Variants in MKLN1 observed in about 807,000 individuals in gnomAD.
MKLN1 encodes the protein muskelin.
Under a neutral mutation model 99.0 loss-of-function variants are expected in MKLN1, and 18 were observed. The observed-to-expected ratio is 0.18, with a 90% CI of 0.13 to 0.27. The LOEUF (loss-of-function observed/expected upper bound fraction) is 0.27. MKLN1 is among the 10% of genes least tolerant of loss of function. The probability of loss-of-function intolerance (pLI) is 1.00; values close to 1 mark genes in which losing one functional copy is unlikely to be tolerated. For synonymous variants in MKLN1, 288 were observed against 293.2 expected (o/e 0.98, Z 0.18); for missense variants, 621 against 875.9 (o/e 0.71, Z 3.67).
At chr7:131,328,807 G>A (rs1798976831) in intron 1 of MKLN1, among the ~76,000 whole-genome samples, 2 of 152,188 alleles carry the variant, frequency 1.3e-5, no homozygotes, top group African/African-American at 2.4e-5. Context: ...AAATTCAGTT[G>A]CATTGTTAGG....
At chr7:131,337,340 T>C (rs1212462947) in intron 1 of MKLN1, among the ~76,000 whole-genome samples, 2 of 152,144 alleles carry the variant, frequency 1.3e-5, no homozygotes, top group African/African-American at 4.8e-5. Flanking sequence ...TCCAATTAAA[T>C]CTTTATTATA....
chr7:131,426,785 C>T (rs1318179360), intron 8 of MKLN1, among the ~76,000 whole-genome samples: 4 of 151,474 alleles, frequency 2.6e-5, no homozygotes, highest in Admixed American at 6.6e-5. Context: ...GATGGAGTCT[C>T]GCTGTGTTGC....
At chr7:131,449,723 C>A (rs1247945480) in intron 12 of MKLN1, among the ~76,000 whole-genome samples, 1 of 152,008 alleles carries the variant, frequency 6.6e-6, no homozygotes, top group East Asian at 1.9e-4. Flanking sequence ...TTCCCATGTC[C>A]CTTTTACTCC....
chr7:131,481,492 C>T (rs769060752), intron 17 of MKLN1, among the ~76,000 whole-genome samples: 23 of 151,942 alleles, frequency 1.5e-4, no homozygotes, highest in Admixed American at 4.6e-4. Flanking sequence ...ATCTTGAGCC[C>T]GAGAGTTCAA....
At chr7:131,143,016 A>T in intron 2 of MKLN1, 1 of 1,064,302 alleles carries the variant, frequency 9.4e-7, no homozygotes, top group South Asian at 1.3e-5. Context: ...AATGCTTTTC[A>T]AATTCTTCTC....
At chr7:131,121,124 A>C (rs1433610695) in intron 1 of MKLN1, among the ~76,000 whole-genome samples, 1 of 152,188 alleles carries the variant, frequency 6.6e-6, no homozygotes, top group Non-Finnish European at 1.5e-5. Context: ...ACGCATCTTC[A>C]CATGGCTGGC....
chr7:131,129,053 G>A (rs373932032), intron 1 of MKLN1, among the ~76,000 whole-genome samples: 3 of 151,852 alleles, frequency 2.0e-5, no homozygotes, highest in Non-Finnish European at 4.4e-5. Context: ...AAAGAAGAAC[G>A]GGTAAAGAAC....
intron 3 of MKLN1, among the ~76,000 whole-genome samples, chr7:131,321,885 A>G (rs1798783405): frequency 6.6e-6 from 1 of 152,252 alleles, no homozygotes; most frequent in South Asian, 2.1e-4. Context: ...TCACATTTCT[A>G]TCTGATCTCA....
At position 131,492,009 on chromosome 7, in the gene MKLN1, A is replaced by G. The variant is rs1299845437; in HGVS notation, c.*4281A>G. On this transcript the variant is annotated 3_prime_UTR_variant, in exon 18 of 18. Transcript: ENST00000352689. ...ATGAAATTCATAAGAAATTAATAAC[A>G]TTCAGATATTGCTATAAATGTACTT... The G allele has an allele frequency of 6.6e-6, 1 of 152,264 alleles. No individual in the cohort carries two copies. Among genetic ancestry groups the G allele is most frequent in the Non-Finnish European group, 1.5e-5 (1 of 68,036 alleles). The allele number at this position is 152,264 out of a possible 1,614,324, so 9.4% of individuals were successfully genotyped here. A position where few individuals can be genotyped will look rare whatever the true frequency, so the allele number is the denominator to read the frequency against.
intron 8 of MKLN1, among the ~76,000 whole-genome samples, chr7:131,422,002 A>G (rs1193283665): frequency 6.6e-6 from 1 of 152,240 alleles, no homozygotes; most frequent in Non-Finnish European, 1.5e-5. Flanking sequence ...TAGGTTTAGT[A>G]GTGAAGAATA....
chr7:131,240,025 T>G (rs1371361446), intron 3 of MKLN1, among the ~76,000 whole-genome samples: 1 of 151,840 alleles, frequency 6.6e-6, no homozygotes, highest in African/African-American at 2.4e-5. Flanking sequence ...TATAAAAAAT[T>G]TAAAAATTAG....
At chr7:131,149,045 C>A (rs1037518591) in intron 2 of MKLN1, among the ~76,000 whole-genome samples, 1 of 151,998 alleles carries the variant, frequency 6.6e-6, no homozygotes, top group Admixed American at 6.6e-5. Flanking sequence ...CTGGGGCAGG[C>A]GGTGGGGCAG....
chr7:131,450,812 CAT>C (rs570252058), intron 12 of MKLN1, among the ~76,000 whole-genome samples: 49 of 152,308 alleles, frequency 3.2e-4, no homozygotes, highest in African/African-American at 8.4e-4. Flanking sequence ...AATATAAAAA[CAT>C]GTGGCTCTAG....
chr7:131,456,934 CAA>C (rs561032258), intron 12 of MKLN1, among the ~76,000 whole-genome samples: 45 of 142,026 alleles, frequency 3.2e-4, no homozygotes, highest in Middle Eastern at 3.6e-3. Context: ...ACAACTGTCT[CAA>C]AAAAAAAAAA....
intron 12 of MKLN1, among the ~76,000 whole-genome samples, chr7:131,458,190 A>T (rs1796407184): frequency 6.6e-6 from 1 of 152,244 alleles, no homozygotes; most frequent in African/African-American, 2.4e-5. Flanking sequence ...AGAAAAAACG[A>T]TAAAGTTTAA....
chr7:131,411,165 A>G (rs955537939), intron 6 of MKLN1, 141 bp from the exon 7 acceptor site: 2 of 554,950 alleles, frequency 3.6e-6, no homozygotes, highest in African/African-American at 1.9e-5. Flanking sequence ...GAAGTGATGC[A>G]TATTTTATGA....
In MKLN1 at chr7:131,493,463, A is replaced by G. The variant is rs978637923; in HGVS notation, c.*5735A>G. 6.6e-6 allele frequency: 1 copy of G among 152,202 alleles called. No homozygotes were observed. The highest frequency in any genetic ancestry group is 1.5e-5 in the Non-Finnish European group (1 of 68,036). The allele number at this position is 152,202 out of a possible 1,614,324, so 9.4% of individuals were successfully genotyped here. ...ATAATTTTGTTAATGAGATGCTGGG[A>G]AGAAGACTACCAAAAGGCCTCAAAG... On this transcript the variant is annotated 3_prime_UTR_variant, in exon 18 of 18. Coordinates refer to ENST00000352689, the MANE Select transcript of MKLN1 (RefSeq NM_013255.5).
rs1797034560 is a variant in MKLN1, at chr7:131,478,690, G to A, written c.2086+13G>A. The A allele has an allele frequency of 1.5e-5, 24 of 1,605,386 alleles. No individual in the cohort carries two copies. Among genetic ancestry groups the A allele is most frequent in the Non-Finnish European group, 2.0e-5 (23 of 1,177,832 alleles). On this transcript the variant is annotated intron_variant, in intron 17 of 17. Transcript: ENST00000352689. ...TTTACAGCTCTGGGTAAGTATTGCA[G>A]TATAATTTATCCAGCTAGATGCCCT... is the stretch of plus-strand genomic sequence containing the variant.
chr7:131,374,151 T>C (rs1222642452), intron 1 of MKLN1, among the ~76,000 whole-genome samples: 1 of 152,154 alleles, frequency 6.6e-6, no homozygotes, highest in African/African-American at 2.4e-5. Flanking sequence ...ACTTTTTTTC[T>C]TGTGTAAGAT....
Sources: gnomAD v4.1 joint callset for allele counts (sites outside exome capture counted in the v4.1 genomes callset) on GRCh38, gnomAD v4.1.1 for gene constraint, MANE v1.5 for transcripts, NCBI Gene and HGNC (gene_info 2026-07-23, HGNC 2026-07-21) for gene names.